The following PRKCH variants were observed in gnomAD, a reference collection of about 807,000 sequenced individuals.
PRKCH encodes protein kinase C eta.
PRKCH carries 28 observed loss-of-function variants against 82.5 expected under a neutral mutation model. The observed-to-expected ratio is 0.34, with a 90% confidence interval of 0.25 to 0.47. The LOEUF (loss-of-function observed/expected upper bound fraction) is 0.47. Among genes scored for constraint, PRKCH ranks in the 20% least tolerant of loss-of-function variants. PRKCH has a pLI of 1.00. For synonymous variants in PRKCH, 322 were observed against 327.4 expected, an observed-to-expected ratio of 0.98 and a Z score of 0.18; for missense variants, 705 against 881.8, an observed-to-expected ratio of 0.80 and a Z score of 2.54.
intron 1 of PRKCH, among the ~76,000 whole-genome samples, chr14:61,372,585 A>G (rs2046376469): frequency 6.6e-6 from 1 of 152,188 alleles, no homozygotes; most frequent in South Asian, 2.1e-4. Context: ...TTTATTGGCT[A>G]GAGTTCAGTG....
At chr14:61,357,739 A>G (rs1184808253) in intron 1 of PRKCH, among the ~76,000 whole-genome samples, 3 of 152,136 alleles carry the variant, frequency 2.0e-5, no homozygotes, top group Non-Finnish European at 2.9e-5. Flanking sequence ...GCAACCGTCC[A>G]TGCTTCTGTT....
chr14:61,549,775 A>G lies in PRKCH; in HGVS notation c.1996A>G (p.Ile666Val). Residue 666 changes from isoleucine (I) to valine (V), a missense_variant, in exon 14 of 14, where the codon ATT (isoleucine) becomes GTT (valine). By Grantham distance (29) the Ile-to-Val change is conservative (BLOSUM62 3). Transcript: ENST00000332981. Reference sequence around the variant, plus strand: ...AATTGATGAGGGACATCTTCCAATGATTAACCAGGATGAGTTTAGAAACTT... The same window carrying G: ...AATTGATGAGGGACATCTTCCAATGGTTAACCAGGATGAGTTTAGAAACTT... ...TPIDEGHLPM[I>V]NQDEFRNFSY... The G allele has an allele frequency of 1.2e-6, 2 of 1,614,074 alleles. No homozygotes were observed. The highest frequency in any genetic ancestry group is 8.5e-7 in the Non-Finnish European group (1 of 1,180,022).
chr14:61,237,191 T>C (rs1406461337), intron 1 of PRKCH, among the ~76,000 whole-genome samples: 1 of 147,560 alleles, frequency 6.8e-6, no homozygotes, highest in Non-Finnish European at 1.5e-5. Context: ...TGCAGTAAGC[T>C]GAGATCATGC....
intron 2 of PRKCH, among the ~76,000 whole-genome samples, chr14:61,422,494 T>C (rs75717554): frequency 0.034 from 5,160 of 152,202 alleles, 295 homozygotes; most frequent in African/African-American, 0.12. Flanking sequence ...TACTTTCTAG[T>C]ATATACCCCG....
At position 61,322,748 on chromosome 14, in the gene PRKCH, C is replaced by T. The variant is rs536461422; in HGVS notation, c.363+284C>T. ...AGGGGTCCAGGGCGGTCACCCTTTC[C>T]GCCCAGTCTTTGGGTAAGGAGCTCC... On this transcript the variant is annotated intron_variant, in intron 1 of 13. Transcript: ENST00000332981. 4 of 354,646 alleles carry T rather than the reference C, an allele frequency of 1.1e-5. No individual in the cohort carries two copies. The South Asian group carries it at 1.8e-4, about 16-fold the overall frequency. The allele number at this position is 354,646 out of a possible 1,614,324, so 22.0% of individuals were successfully genotyped here.
At chr14:61,217,245 T>C (rs77021832) in intron 1 of PRKCH, among the ~76,000 whole-genome samples, 1,649 of 151,994 alleles carry the variant, frequency 0.011, 19 homozygotes, top group African/African-American at 0.038. Flanking sequence ...TTTTAAAAAT[T>C]AGCTTGGTTT....
chr14:61,476,528 A>G (rs1288894329), intron 9 of PRKCH: 1 of 152,192 alleles, frequency 6.6e-6, no homozygotes, highest in Non-Finnish European at 1.5e-5. Flanking sequence ...CCTGGCCTGG[A>G]TGTTTCACAG....
intron 1 of PRKCH, among the ~76,000 whole-genome samples, chr14:61,374,902 T>C (rs973317571): frequency 1.3e-5 from 2 of 152,118 alleles, no homozygotes; most frequent in African/African-American, 4.8e-5. Flanking sequence ...GGCTTGAATT[T>C]CTCCCCAGAA....
chr14:61,357,002 A>G (rs1299830449), intron 1 of PRKCH, among the ~76,000 whole-genome samples: 2 of 152,182 alleles, frequency 1.3e-5, no homozygotes, highest in Non-Finnish European at 2.9e-5. Flanking sequence ...CTTTCTTACT[A>G]TGGCTAGAAC....
chr14:61,299,478 G>GT (rs11385844), intron 1 of PRKCH, among the ~76,000 whole-genome samples: 107,583 of 151,942 alleles, frequency 0.71, 40,324 homozygotes, highest in Non-Finnish European at 0.83. Context: ...CAACTTTCAG[G>GT]TTTTTTCTAC....
At chr14:61,461,331 T>C (rs902038035) in intron 9 of PRKCH, among the ~76,000 whole-genome samples, 2 of 152,150 alleles carry the variant, frequency 1.3e-5, no homozygotes, top group African/African-American at 4.8e-5. Context: ...TTTCTTGGAA[T>C]AGAGGAGTGG....
intron 1 of PRKCH, among the ~76,000 whole-genome samples, chr14:61,330,546 T>C (rs183277739): frequency 2.4e-4 from 37 of 152,330 alleles, no homozygotes; most frequent in African/African-American, 8.2e-4. Context: ...AAAATAATCA[T>C]AGATGTTGAA....
intron 1 of PRKCH, among the ~76,000 whole-genome samples, chr14:61,256,815 T>A (rs1305129107): frequency 6.6e-6 from 1 of 152,230 alleles, no homozygotes. Context: ...AGTATTGATC[T>A]GCTAAATCTA....
At chr14:61,435,221 G>A (rs980813783) in intron 2 of PRKCH, among the ~76,000 whole-genome samples, 3 of 152,122 alleles carry the variant, frequency 2.0e-5, no homozygotes, top group African/African-American at 7.2e-5. Context: ...TCTCACTTCT[G>A]TAATCCCCTG....
chr14:61,344,262 A>G (rs6573380), intron 1 of PRKCH: 112,752 of 152,044 alleles, frequency 0.74, 42,834 homozygotes, highest in Non-Finnish European at 0.83. Flanking sequence ...AATGCCTGGC[A>G]CCACTGAGGA....
At chr14:61,474,646 A>G (rs907954237) in intron 9 of PRKCH, among the ~76,000 whole-genome samples, 35 of 152,326 alleles carry the variant, frequency 2.3e-4, no homozygotes, top group Admixed American at 2.0e-4. Flanking sequence ...CATGGCACAT[A>G]TATACCTATG....
chr14:61,447,104 A>C (rs139990847), intron 4 of PRKCH, among the ~76,000 whole-genome samples: 33 of 152,346 alleles, frequency 2.2e-4, no homozygotes, highest in Non-Finnish European at 4.1e-4. Flanking sequence ...GCAAACTGGC[A>C]TAGGTATTTC....
intron 7 of PRKCH, among the ~76,000 whole-genome samples, chr14:61,453,716 C>T (rs1005342414): frequency 2.0e-5 from 3 of 151,190 alleles, no homozygotes; most frequent in Non-Finnish European, 4.4e-5. Context: ...TGCAGTGGCA[C>T]AATTATGGTT....
intron 1 of PRKCH, among the ~76,000 whole-genome samples, chr14:61,223,066 G>C (rs754259846): frequency 2.6e-5 from 4 of 152,054 alleles, no homozygotes; most frequent in Non-Finnish European, 4.4e-5. Flanking sequence ...AGTTTTTTCA[G>C]ATCCTCACAG....
Sources: allele counts gnomAD v4.1 joint callset (sites outside exome capture counted in the v4.1 genomes callset), GRCh38; gene constraint gnomAD v4.1.1; transcripts MANE v1.5; gene names NCBI Gene and HGNC (gene_info 2026-07-23, HGNC 2026-07-21).